Variants in SEPTIN14 observed in about 807,000 individuals in gnomAD.
SEPTIN14 encodes septin-14.
A neutral mutation model predicts 53.6 loss-of-function variants in SEPTIN14; 40 were observed. The observed-to-expected ratio is 0.75, with a 90% confidence interval of 0.58 to 0.97. The LOEUF (loss-of-function observed/expected upper bound fraction) is 0.97. SEPTIN14 is among the 50% of genes least tolerant of loss of function. SEPTIN14 has a pLI of 0.00. For synonymous variants in SEPTIN14, 138 were observed against 166.8 expected, an observed-to-expected ratio of 0.83 and a Z score of 1.33; for missense variants, 471 against 508.2, an observed-to-expected ratio of 0.93 and a Z score of 0.70.
At chr7:55,843,796 C>A (rs757624229) in intron 4 of SEPTIN14, among the ~76,000 whole-genome samples, 3 of 152,302 alleles carry the variant, frequency 2.0e-5, no homozygotes, top group South Asian at 4.1e-4. Context: ...CGCGCCACTG[C>A]GCTCTAGCCT....
In SEPTIN14 at chr7:55,845,342, T is replaced by C. The variant is rs147462163; in HGVS notation, c.176-624A>G. Among the ~76,000 whole-genome samples the C allele has an allele frequency of 2.8e-3, 423 of 151,982 alleles. 4 individuals carry two copies. Among genetic ancestry groups the C allele is most frequent in the African/African-American group, 9.5e-3 (392 of 41,422 alleles). On this transcript the variant is annotated intron_variant, in intron 3 of 9. Coordinates refer to ENST00000388975, the MANE Select transcript of SEPTIN14 (RefSeq NM_207366.3). ...AATGGTAGACTGGATAAAGAAAATA[T>C]GGTACATATACACCATGGAATACTA...
At chr7:55,839,392 A>G (rs986886889) in intron 5 of SEPTIN14, among the ~76,000 whole-genome samples, 6 of 109,536 alleles carry the variant, frequency 5.5e-5, no homozygotes, top group Non-Finnish European at 9.3e-5. Flanking sequence ...TCCGTCTCAG[A>G]AAAAAAAAAA....
chr7:55,837,247 C>T (rs761941685), intron 5 of SEPTIN14, among the ~76,000 whole-genome samples: 4 of 151,844 alleles, frequency 2.6e-5, no homozygotes, highest in Non-Finnish European at 4.4e-5. Context: ...TCCTGAGTAG[C>T]TGGAACTACA....
chr7:55,808,612 T>C (rs1028127043), intron 7 of SEPTIN14, among the ~76,000 whole-genome samples: 1 of 152,192 alleles, frequency 6.6e-6, no homozygotes, highest in African/African-American at 2.4e-5. Flanking sequence ...AGTGCAGCAG[T>C]GCGACCTCAG....
At chr7:55,809,591 A>G (rs1788665911) in intron 7 of SEPTIN14, among the ~76,000 whole-genome samples, 1 of 151,442 alleles carries the variant, frequency 6.6e-6, no homozygotes, top group East Asian at 1.9e-4. Flanking sequence ...TCCTGAACTC[A>G]GGTGATCCAC....
rs35998043 is a variant in SEPTIN14 at position 55,829,820 on chromosome 7, C to CAAAAA, written c.720+4600_720+4604dup. Among the ~76,000 whole-genome samples the CAAAAA allele has an allele frequency of 6.4e-3, 240 of 37,584 alleles. 29 individuals are homozygous for CAAAAA. The highest frequency in any genetic ancestry group is 0.012 in the African/African-American group (111 of 9,408). The allele number at this position is 37,584 out of a possible 152,430, so 24.7% of individuals were successfully genotyped here. ...TGGGTGACAGAACGAGACTCCATCT[C>CAAAAA]AAAAAAAAAAAAAAAAAAAAAAAAG... On this transcript the variant is annotated intron_variant, in intron 6 of 9. Transcript: ENST00000388975.
intron 6 of SEPTIN14, among the ~76,000 whole-genome samples, chr7:55,826,486 A>G (rs994735853): frequency 6.6e-6 from 1 of 152,228 alleles, no homozygotes; most frequent in Non-Finnish European, 1.5e-5. Flanking sequence ...ACTTTACCCC[A>G]GAAAAGCTGT....
rs911014441 is a variant in SEPTIN14 at position 55,794,140 on chromosome 7, T to A, written c.*1773A>T. 9 of 152,156 alleles carry A rather than the reference T, an allele frequency of 5.9e-5. No homozygotes were observed. Among genetic ancestry groups the A allele is most frequent in the African/African-American group, 2.2e-4 (9 of 41,456 alleles). The allele number at this position is 152,156 out of a possible 1,614,324, so 9.4% of individuals were successfully genotyped here. A position where few individuals can be genotyped will look rare whatever the true frequency, so the allele number is the denominator to read the frequency against. On this transcript the variant is annotated 3_prime_UTR_variant, in exon 10 of 10. Coordinates refer to ENST00000388975, the MANE Select transcript of SEPTIN14 (RefSeq NM_207366.3). ...AAATAAAATGTTCTGTTAGCATGAA[T>A]CCTTCTGTGCCCTCAAAAACCCTAT...
intron 4 of SEPTIN14, among the ~76,000 whole-genome samples, chr7:55,843,797 G>T (rs146654507): frequency 6.6e-6 from 1 of 152,054 alleles, no homozygotes; most frequent in East Asian, 1.9e-4. Context: ...GCGCCACTGC[G>T]CTCTAGCCTG....
chr7:55,799,013 C>G (rs1788480524), intron 9 of SEPTIN14: 1 of 152,212 alleles, frequency 6.6e-6, no homozygotes, highest in Non-Finnish European at 1.5e-5. Context: ...AAAGAAACTA[C>G]AAAACAGTCA....
intron 7 of SEPTIN14, among the ~76,000 whole-genome samples, chr7:55,807,860 ACTC>A (rs1172080936): frequency 6.6e-6 from 1 of 152,132 alleles, no homozygotes; most frequent in Non-Finnish European, 1.5e-5. Flanking sequence ...GGAAAGCTAT[ACTC>A]CTATCACAGA....
intron 7 of SEPTIN14, chr7:55,810,799 C>T (rs775727012): frequency 4.8e-6 from 1 of 208,492 alleles, no homozygotes; most frequent in Non-Finnish European, 9.8e-6. Context: ...TAAATCCGCT[C>T]TCCTGTGGCA....
chr7:55,859,628 C>T (rs28852136), intron 2 of SEPTIN14, among the ~76,000 whole-genome samples: 8 of 151,784 alleles, frequency 5.3e-5, no homozygotes, highest in Non-Finnish European at 1.2e-4. Flanking sequence ...TTCAATCCCT[C>T]CCTTCACTTC....
chr7:55,861,279 C>T (rs2116091234), intron 2 of SEPTIN14, among the ~76,000 whole-genome samples: 1 of 152,210 alleles, frequency 6.6e-6, no homozygotes, highest in East Asian at 1.9e-4. Flanking sequence ...GGGTAGATCA[C>T]CTGAGGTCAG....
In SEPTIN14 at chr7:55,830,345, A is replaced by ACATTTTTTT. The variant is rs1554330066; in HGVS notation, c.720+4079_720+4080insAAAAAAATG. Among the ~76,000 whole-genome samples, 61 of 40,090 alleles carry ACATTTTTTT rather than the reference A, an allele frequency of 1.5e-3. 1 individual carries two copies. The highest frequency in any genetic ancestry group is 0.011 in the African/African-American group (55 of 5,160). The allele number at this position is 40,090 out of a possible 152,430, so 26.3% of individuals were successfully genotyped here. ...TGTATATATATATATATATATATAT[A>ACATTTTTTT]TATATTTTTTTTTTTTTTTGAGACG... is the stretch of plus-strand genomic sequence containing the variant. On this transcript the variant is annotated intron_variant, in intron 6 of 9. Transcript: ENST00000388975.
At chr7:55,797,819 A>C (rs1788455241) in intron 9 of SEPTIN14, 1 of 152,414 alleles carries the variant, frequency 6.6e-6, no homozygotes, top group Non-Finnish European at 1.5e-5. Context: ...AAATACAAAA[A>C]ATTAGCCAGG....
intron 2 of SEPTIN14, among the ~76,000 whole-genome samples, chr7:55,848,897 G>A (rs188283065): frequency 7.6e-4 from 116 of 152,048 alleles, no homozygotes; most frequent in African/African-American, 2.5e-3. Context: ...ATGAGCCACC[G>A]CGCCTGGCCT....
chr7:55,798,877 C>T (rs12334098), intron 9 of SEPTIN14: 12,033 of 154,686 alleles, frequency 0.078, 1,174 homozygotes, highest in African/African-American at 0.23. Context: ...CTGGGGCGGG[C>T]GGATCACCTG....
At chr7:55,830,638 A>T (rs10235339) in intron 6 of SEPTIN14, among the ~76,000 whole-genome samples, 2 of 150,352 alleles carry the variant, frequency 1.3e-5, no homozygotes, top group Admixed American at 6.6e-5. Flanking sequence ...CCACCACGCC[A>T]GGCCCCAACT....
Sources: gnomAD v4.1 joint callset for allele counts (sites outside exome capture counted in the v4.1 genomes callset) on GRCh38, gnomAD v4.1.1 for gene constraint, MANE v1.5 for transcripts, NCBI Gene and HGNC (gene_info 2026-07-23, HGNC 2026-07-21) for gene names.